R3HDML: variants seen among roughly 807,000 people sequenced by gnomAD.
R3HDML encodes R3H domain containing like, also known as peptidase inhibitor R3HDML.
R3HDML carries 21 observed loss-of-function variants against 24.2 expected under a neutral mutation model. The observed-to-expected ratio is 0.87, with a 90% CI of 0.62 to 1.25. The LOEUF (loss-of-function observed/expected upper bound fraction) is 1.25. Ranked by LOEUF, R3HDML falls within the 50% of genes most tolerant of loss-of-function variation. R3HDML has a pLI of 0.00. For missense variants in R3HDML, 301 were observed against 340.3 expected, an observed-to-expected ratio of 0.88 and a Z score of 0.91; for synonymous variants, 133 against 131.5, an observed-to-expected ratio of 1.01 and a Z score of -0.08.
At chr20:44,344,910 C>T (rs932883459) in intron 3 of R3HDML, 7 of 218,640 alleles carry the variant, frequency 3.2e-5, no homozygotes, top group South Asian at 8.2e-5. Flanking sequence ...TTCCTTCTCG[C>T]GACTGCACTT....
intron 4 of R3HDML, chr20:44,347,849 T>TA (rs1477899460): frequency 6.6e-6 from 1 of 152,242 alleles, no homozygotes; most frequent in East Asian, 1.9e-4. Flanking sequence ...AGGATACTTG[T>TA]TATTTGTTAG....
At chr20:44,343,633 G>C (rs2062778179) in intron 3 of R3HDML, 124 bp downstream of exon 3, 1 of 1,038,826 alleles carries the variant, frequency 9.6e-7, no homozygotes, top group Admixed American at 3.3e-5. Context: ...TTTCACCAAA[G>C]AGGCATATTC....
At chr20:44,347,952 T>A (rs1002855494) in intron 4 of R3HDML, 1 of 142,796 alleles carries the variant, frequency 7.0e-6, no homozygotes, top group Non-Finnish European at 1.5e-5. Flanking sequence ...AAATAGCGTC[T>A]AATTTTTTTT....
At chr20:44,350,274 G>T (rs940330148) in intron 4 of R3HDML, among the ~76,000 whole-genome samples, 3 of 152,044 alleles carry the variant, frequency 2.0e-5, no homozygotes, top group Non-Finnish European at 4.4e-5. Context: ...AGCACTTTGG[G>T]AGGCTGAGGC....
At chr20:44,348,577 T>TA (rs1187924789) in intron 4 of R3HDML, among the ~76,000 whole-genome samples, 1 of 151,608 alleles carries the variant, frequency 6.6e-6, no homozygotes, top group East Asian at 1.9e-4. Context: ...ATCTCAGCTC[T>TA]GCAACCTCCA....
intron 4 of R3HDML, among the ~76,000 whole-genome samples, chr20:44,349,361 T>C (rs2062801843): frequency 6.6e-6 from 1 of 151,686 alleles, no homozygotes; most frequent in Non-Finnish European, 1.5e-5. Context: ...TCTAAGTGGT[T>C]AAATTAAACA....
At chr20:44,340,391 C>T (rs942601472) in intron 1 of R3HDML, among the ~76,000 whole-genome samples, 13 of 152,160 alleles carry the variant, frequency 8.5e-5, no homozygotes, top group Non-Finnish European at 1.8e-4. Flanking sequence ...TGTGCCCAAG[C>T]GGATATCTTA....
Position 44,337,393 on chromosome 20 carries a change from C to T in R3HDML, c.236C>T (p.Pro79Leu), listed in dbSNP as rs2062760747. The T allele has an allele frequency of 1.9e-6, 3 of 1,613,686 alleles. No individual in the cohort carries two copies. Among genetic ancestry groups the T allele is most frequent in the Non-Finnish European group, 2.5e-6 (3 of 1,179,616 alleles). Residue 79 changes from proline to leucine, a missense_variant, in exon 1 of 5, where the codon CCA (proline) becomes CTA (leucine). Transcript: ENST00000217043. This position sits in a 1 kb window ranked among gnomAD's most constrained non-coding sequence, Gnocchi z 4.7. Reference sequence around the variant, plus strand: ...AACCACATCCGGGCCAGTGTGTACCCACCTGCCGCCAACATGGAATACATG... The same window carrying T: ...AACCACATCCGGGCCAGTGTGTACCTACCTGCCGCCAACATGGAATACATG... ...YHNHIRASVY[P>L]PAANMEYMVW... is the part of the protein sequence containing the mutation.
chr20:44,343,404 G>A lies in R3HDML; in HGVS notation c.408G>A (p.Lys136=), dbSNP rs2146110473. 2 of 1,612,858 alleles carry A rather than the reference G, an allele frequency of 1.2e-6. No homozygotes were observed. Among genetic ancestry groups the A allele is most frequent in the Non-Finnish European group, 8.5e-7 (1 of 1,179,418 alleles). ...ACCGGTCCGTAGTGGATCTCATGAAGTCCTGGTCTGAGGAGAAGTGGCATT... is the reference window on the plus strand; with the variant it reads ...ACCGGTCCGTAGTGGATCTCATGAAATCCTGGTCTGAGGAGAAGTGGCATT... ...GQYRSVVDLM[K]SWSEEKWHYL... The change falls in exon 3 of 5, where the codon AAG becomes AAA. Residue 136 remains lysine (K), a synonymous_variant. Coordinates refer to ENST00000217043, the MANE Select transcript of R3HDML (RefSeq NM_178491.4).
chr20:44,347,912 A>C (rs528253918), intron 4 of R3HDML: 4 of 152,234 alleles, frequency 2.6e-5, no homozygotes, highest in African/African-American at 9.6e-5. Context: ...TATCAGAGAC[A>C]GAAAAATACA....
intron 1 of R3HDML, among the ~76,000 whole-genome samples, chr20:44,338,275 A>G (rs1391547853): frequency 6.6e-6 from 1 of 152,124 alleles, no homozygotes; most frequent in East Asian, 1.9e-4. Context: ...GTATCCATTG[A>G]CTTATACTTG....
chr20:44,337,435 GC>G lies in R3HDML; in HGVS notation c.261+23del. 1.2e-6 allele frequency: 2 copies of G among 1,603,208 alleles called. No individual in the cohort carries two copies. The highest frequency in any genetic ancestry group is 8.5e-7 in the Non-Finnish European group (1 of 1,171,466). ...GAATACATGGTGAGTCCCCGTACCT[GC>G]CCCCCACCCCCCGCAGTGTCCCTTC... On this transcript the variant is annotated intron_variant, in intron 1 of 4. Transcript: ENST00000217043. This position sits in a 1 kb window ranked among gnomAD's most constrained non-coding sequence, Gnocchi z 4.7.
chr20:44,343,606 G>T, intron 3 of R3HDML, 97 bp downstream of exon 3: 1 of 1,260,194 alleles, frequency 7.9e-7, no homozygotes, highest in South Asian at 1.7e-5. Context: ...TGCAAACAAA[G>T]ACCGTTATGA....
chr20:44,337,380 G>T lies in R3HDML; in HGVS notation c.223G>T (p.Ala75Ser), dbSNP rs753580428. 6.2e-7 allele frequency: 1 copy of T among 1,614,182 alleles called. No homozygotes were observed. Among genetic ancestry groups the T allele is most frequent in the South Asian group, 1.1e-5 (1 of 91,090 alleles). ...ACTGGATTATCACAACCACATCCGG[G>T]CCAGTGTGTACCCACCTGCCGCCAA... ...ALLDYHNHIR[A>S]SVYPPAANME... Residue 75 changes from alanine to serine, a missense_variant, in exon 1 of 5, where the codon GCC (alanine) becomes TCC (serine). By Grantham distance (99) the Ala-to-Ser change is moderately conservative (BLOSUM62 1). Coordinates refer to ENST00000217043, the MANE Select transcript of R3HDML (RefSeq NM_178491.4). The surrounding 1 kb of genome is among the most constrained non-coding windows in gnomAD (Gnocchi z 4.7).
chr20:44,346,084 T>G (rs1334167867), intron 4 of R3HDML, among the ~76,000 whole-genome samples: 1 of 152,184 alleles, frequency 6.6e-6, no homozygotes, highest in African/African-American at 2.4e-5. Flanking sequence ...CCTCCCAAAG[T>G]GCTGGGATTA....
In R3HDML at chr20:44,351,089, C is replaced by A. The variant is rs1016452139; in HGVS notation, c.*297C>A. The A allele has an allele frequency of 7.5e-5, 23 of 308,472 alleles. No homozygotes were observed. Among genetic ancestry groups the A allele is most frequent in the East Asian group, 7.1e-4 (8 of 11,208 alleles). The allele number at this position is 308,472 out of a possible 1,614,324, so 19.1% of individuals were successfully genotyped here. On this transcript the variant is annotated 3_prime_UTR_variant, in exon 5 of 5. Coordinates refer to ENST00000217043, the MANE Select transcript of R3HDML (RefSeq NM_178491.4). ...CCAAGGCTGGAAGGCATAGAACTGG[C>A]ACCTTGGGACCAGGCATAATGGCTC... is the stretch of plus-strand genomic sequence containing the variant.
Position 44,345,277 on chromosome 20 carries a change from C to T in R3HDML, c.528C>T (p.Ser176=), listed in dbSNP as rs1421743968. 1 of 1,613,932 alleles carries T rather than the reference C, an allele frequency of 6.2e-7. No homozygotes were observed. The highest frequency in any genetic ancestry group is 1.3e-5 in the African/African-American group (1 of 74,906). ...TCCTTCACCAGATGGTGTGGGCATC[C>T]TCCAATCGGCTGGGCTGTGCCATCC... is the stretch of plus-strand genomic sequence containing the variant. ...CSHYTQMVWA[S]SNRLGCAIHT... The change falls in exon 4 of 5, where the codon TCC becomes TCT. Residue 176 remains serine (S), a synonymous_variant. Coordinates refer to ENST00000217043, the MANE Select transcript of R3HDML (RefSeq NM_178491.4).
At chr20:44,349,113 C>G (rs2062800414) in intron 4 of R3HDML, among the ~76,000 whole-genome samples, 1 of 149,470 alleles carries the variant, frequency 6.7e-6, no homozygotes, top group Non-Finnish European at 1.5e-5. Flanking sequence ...GGCGACAATG[C>G]GAGACTCTAT....
At chr20:44,345,755 T>A (rs968946257) in intron 4 of R3HDML, among the ~76,000 whole-genome samples, 12 of 152,212 alleles carry the variant, frequency 7.9e-5, no homozygotes, top group African/African-American at 2.6e-4. Context: ...TGAGCCATTA[T>A]CATGCTCACT....
Sources: gnomAD v4.1 joint callset for allele counts (sites outside exome capture counted in the v4.1 genomes callset) on GRCh38, gnomAD v4.1.1 for gene constraint, Gnocchi (gnomAD v3.1) non-coding constraint, MANE v1.5 for transcripts, NCBI Gene and HGNC (gene_info 2026-07-23, HGNC 2026-07-21) for gene names.